Variants in RABGAP1L observed in about 807,000 individuals in gnomAD.
RABGAP1L encodes RAB GTPase activating protein 1 like.
In RABGAP1L, 63 loss-of-function variants were observed where a neutral mutation model predicts 137.7. The observed-to-expected ratio is 0.46, with a 90% CI of 0.37 to 0.56. The LOEUF is 0.56. RABGAP1L is among the 20% of genes least tolerant of loss of function. RABGAP1L has a pLI of 0.00. For missense variants in RABGAP1L, 1,095 were observed against 1,244.0 expected (o/e 0.88, Z 1.80); for synonymous variants, 431 against 433.7 (o/e 0.99, Z 0.08).
chr1:174,293,015 G>T (rs1676772611), intron 10 of RABGAP1L, among the ~76,000 whole-genome samples: 1 of 152,130 alleles, frequency 6.6e-6, no homozygotes, highest in African/African-American at 2.4e-5. Context: ...TTAGGTGGTG[G>T]ACCAGGAATT....
chr1:174,281,999 T>C (rs1406290206), intron 10 of RABGAP1L, among the ~76,000 whole-genome samples: 5 of 152,244 alleles, frequency 3.3e-5, no homozygotes, highest in African/African-American at 1.2e-4. Context: ...ATGTTGTATG[T>C]CAGTTGTTAA....
chr1:174,888,066 TAGAC>T (rs1256599087), intron 19 of RABGAP1L, among the ~76,000 whole-genome samples: 3 of 151,962 alleles, frequency 2.0e-5, no homozygotes, highest in Non-Finnish European at 2.9e-5. Context: ...ATTACAAAAA[TAGAC>T]AGAAATCAGA....
chr1:174,332,846 G>A (rs1681155692), intron 11 of RABGAP1L, among the ~76,000 whole-genome samples: 2 of 152,152 alleles, frequency 1.3e-5, no homozygotes, highest in African/African-American at 2.4e-5. Context: ...CAAAGGAAAT[G>A]AAATCAGTAT....
intron 13 of RABGAP1L, among the ~76,000 whole-genome samples, chr1:174,396,978 A>C (rs1231882425): frequency 6.6e-6 from 1 of 151,078 alleles, no homozygotes; most frequent in Non-Finnish European, 1.5e-5. Context: ...GTCTCTACAA[A>C]AAAAAAAAAA....
At chr1:174,238,771 C>T (rs1310427965) in intron 4 of RABGAP1L, 1 of 151,120 alleles carries the variant, frequency 6.6e-6, no homozygotes, top group Non-Finnish European at 1.5e-5. Flanking sequence ...GCAGGCAGGC[C>T]TCCTTGAGCT....
intron 12 of RABGAP1L, among the ~76,000 whole-genome samples, chr1:174,374,139 C>T (rs759369811): frequency 4.6e-5 from 7 of 152,152 alleles, no homozygotes; most frequent in Non-Finnish European, 8.8e-5. Flanking sequence ...GTAATGGTAG[C>T]GTATGCATTG....
intron 1 of RABGAP1L, among the ~76,000 whole-genome samples, chr1:174,189,328 ATTGT>A (rs1191621779): frequency 3.9e-5 from 6 of 152,104 alleles, no homozygotes; most frequent in Admixed American, 2.6e-4. Flanking sequence ...TCAGTAGAAG[ATTGT>A]TTGTTTACAT....
In RABGAP1L at chr1:174,359,537, G is replaced by A. The variant is rs1683954448; in HGVS notation, c.1466-11442G>A. 5.9e-5 allele frequency among the ~76,000 whole-genome samples: 9 copies of A among 152,124 alleles called. No individual in the cohort carries two copies. The South Asian group carries it at 1.9e-3, about 32-fold the overall frequency. On this transcript the variant is annotated intron_variant, in intron 11 of 25. Coordinates refer to ENST00000681986, the MANE Select transcript of RABGAP1L (RefSeq NM_001366446.1). Reference sequence around the variant, plus strand: ...CTTGCCCCCAATTTACTGTTTCTTGGGCATGTTCCTTTAATGCGCCTAGCT... The same window carrying A: ...CTTGCCCCCAATTTACTGTTTCTTGAGCATGTTCCTTTAATGCGCCTAGCT...
chr1:174,161,486 C>T (rs1368835621), intron 1 of RABGAP1L, among the ~76,000 whole-genome samples: 1 of 152,090 alleles, frequency 6.6e-6, no homozygotes, highest in Admixed American at 6.5e-5. Context: ...GTGATCTGCC[C>T]GCCTCAGCCT....
chr1:174,650,744 G>T lies in RABGAP1L; in HGVS notation c.1824+13256G>T, dbSNP rs1359684102. 2.7e-4 allele frequency among the ~76,000 whole-genome samples: 40 copies of T among 149,760 alleles called. 1 individual carries two copies. In the South Asian group the frequency reaches 8.5e-3, roughly 32 times the overall value. On this transcript the variant is annotated intron_variant, in intron 14 of 25. Transcript: ENST00000681986. Reference sequence around the variant, plus strand: ...CTCTCTTTTCTTCTTTATTAGTCTTGCTAGCGGTCTATCAATTTTGTTGAT... The same window carrying T: ...CTCTCTTTTCTTCTTTATTAGTCTTTCTAGCGGTCTATCAATTTTGTTGAT...
At chr1:174,508,823 G>C (rs978944571) in intron 13 of RABGAP1L, among the ~76,000 whole-genome samples, 3 of 151,936 alleles carry the variant, frequency 2.0e-5, no homozygotes, top group African/African-American at 7.3e-5. Context: ...TGTGACTAGT[G>C]ATCTATGACT....
intron 7 of RABGAP1L, among the ~76,000 whole-genome samples, chr1:174,264,837 GA>G (rs552748137): frequency 5.1e-4 from 76 of 148,022 alleles, no homozygotes; most frequent in African/African-American, 1.6e-3. Context: ...AAAAAAATTA[GA>G]AAAAAAAACA....
chr1:174,233,169 G>C (rs1425316323), intron 4 of RABGAP1L, among the ~76,000 whole-genome samples: 2 of 151,986 alleles, frequency 1.3e-5, no homozygotes, highest in East Asian at 3.9e-4. Context: ...CTCTCTTTCT[G>C]TCCTTCTGTC....
chr1:174,322,571 G>A (rs957353944), intron 11 of RABGAP1L, among the ~76,000 whole-genome samples: 6 of 152,178 alleles, frequency 3.9e-5, no homozygotes, highest in Non-Finnish European at 5.9e-5. Flanking sequence ...GCTTTTGCCA[G>A]AGAGAGCAAC....
chr1:174,923,889 A>AAG, intron 19 of RABGAP1L, among the ~76,000 whole-genome samples: 1 of 151,928 alleles, frequency 6.6e-6, no homozygotes, highest in Non-Finnish European at 1.5e-5. Context: ...AAAAAAAAAA[A>AAG]AAAAAAGAAA....
chr1:174,540,537 T>C (rs1327894140), intron 13 of RABGAP1L, among the ~76,000 whole-genome samples: 1 of 152,238 alleles, frequency 6.6e-6, no homozygotes, highest in African/African-American at 2.4e-5. Flanking sequence ...CCAGCACCAT[T>C]TATTAAATAG....
intron 15 of RABGAP1L, among the ~76,000 whole-genome samples, chr1:174,695,008 G>A (rs1047069197): frequency 9.2e-5 from 14 of 152,170 alleles, no homozygotes; most frequent in African/African-American, 2.7e-4. Context: ...CTTTTGAGAA[G>A]TGTCTCTTCA....
chr1:174,567,561 C>T (rs137869102), intron 13 of RABGAP1L, among the ~76,000 whole-genome samples: 27 of 152,196 alleles, frequency 1.8e-4, no homozygotes, highest in Admixed American at 1.3e-3. Flanking sequence ...TATGGCTTAG[C>T]AGTTTTAAAT....
chr1:174,271,072 A>G (rs2148659115), intron 7 of RABGAP1L, among the ~76,000 whole-genome samples: 1 of 152,220 alleles, frequency 6.6e-6, no homozygotes, highest in South Asian at 2.1e-4. Flanking sequence ...TTCATAGGAG[A>G]GAGATCATAG....
Sources: allele counts gnomAD v4.1 joint callset (sites outside exome capture counted in the v4.1 genomes callset), GRCh38; gene constraint gnomAD v4.1.1; transcripts MANE v1.5; gene names NCBI Gene and HGNC (gene_info 2026-07-23, HGNC 2026-07-21).